CCDC57: variants seen among roughly 807,000 people sequenced by gnomAD.
CCDC57 encodes the protein coiled-coil domain-containing protein 57.
A neutral mutation model predicts 118.9 loss-of-function variants in CCDC57; 118 were observed. That is an observed-to-expected ratio of 0.99 (90% CI 0.86 to 1.16). The LOEUF (loss-of-function observed/expected upper bound fraction) is 1.16, where lower values mean the gene tolerates loss of function less well. Ranked by LOEUF, CCDC57 falls within the 50% of genes most tolerant of loss-of-function variation. The pLI, the probability that CCDC57 is intolerant of heterozygous loss-of-function variation, is 0.00. For missense variants in CCDC57, 1,300 were observed against 1,320.7 expected (o/e 0.98, Z 0.24); for synonymous variants, 527 against 532.9 (o/e 0.99, Z 0.15).
chr17:82,127,379 G>A, intron 19 of CCDC57: 1 of 180,138 alleles, frequency 5.6e-6, no homozygotes, highest in Non-Finnish European at 7.2e-6. Context: ...GCGCCCGGGT[G>A]TACAGTGCTC....
rs762510656 is a variant in CCDC57, at chr17:82,201,924, C to T, written c.21G>A (p.Glu7=). 18 of 1,598,040 alleles carry T rather than the reference C, an allele frequency of 1.1e-5. No individual in the cohort carries two copies. The East Asian group carries it at 4.0e-4, about 36-fold the overall frequency. The change falls in exon 3 of 20, where the codon GAG becomes GAA. Residue 7 remains glutamate, a synonymous_variant. Transcript: ENST00000665763. ...GAAGCAGCAGCTCATTCAGGGCGGG[C>T]TCTGAGCCCAGTGGCAGCATGGTGG...
intron 19 of CCDC57, among the ~76,000 whole-genome samples, chr17:82,121,128 G>C (rs1033943876): frequency 6.6e-6 from 1 of 152,190 alleles, no homozygotes; most frequent in Non-Finnish European, 1.5e-5. Context: ...GCTCCCGCCT[G>C]TAATCCCAGC....
At chr17:82,104,618 A>C (rs2034708857) in intron 19 of CCDC57, among the ~76,000 whole-genome samples, 1 of 152,204 alleles carries the variant, frequency 6.6e-6, no homozygotes, top group Non-Finnish European at 1.5e-5. Context: ...AGCTCACTGC[A>C]AGCTCCGCCT....
chr17:82,114,144 G>A (rs972329103), intron 19 of CCDC57, among the ~76,000 whole-genome samples: 2 of 152,190 alleles, frequency 1.3e-5, no homozygotes, highest in South Asian at 2.1e-4. Context: ...TTCCCTGCGC[G>A]TTTACAGAGG....
intron 16 of CCDC57, among the ~76,000 whole-genome samples, chr17:82,146,785 ATGTGCACAGTCTCACACACAAACGTG>A (rs1377139845): frequency 2.6e-5 from 4 of 152,208 alleles, no homozygotes; most frequent in Non-Finnish European, 5.9e-5. Context: ...ATACAAATGT[ATGTGCACAGTCTCACACACAAACGTG>A]TGTGCACACA....
At chr17:82,121,082 G>A (rs1208843985) in intron 19 of CCDC57, among the ~76,000 whole-genome samples, 1 of 152,126 alleles carries the variant, frequency 6.6e-6, no homozygotes, top group Admixed American at 6.6e-5. Context: ...TTGCAACACC[G>A]ATGCTAAGAA....
chr17:82,126,304 CAA>C, intron 19 of CCDC57: 1 of 747,094 alleles, frequency 1.3e-6, no homozygotes, highest in African/African-American at 2.0e-5. Context: ...AAAAAACAGA[CAA>C]GATAAAAAAC....
chr17:82,104,340 C>T (rs978297608), intron 19 of CCDC57, among the ~76,000 whole-genome samples: 1 of 152,210 alleles, frequency 6.6e-6, no homozygotes, highest in Non-Finnish European at 1.5e-5. Flanking sequence ...GCTGCTTGTG[C>T]TCTGGCCCCG....
chr17:82,101,953 A>G, intron 19 of CCDC57, 87 bp from the exon 19 acceptor site: 1 of 1,301,698 alleles, frequency 7.7e-7, no homozygotes, highest in Non-Finnish European at 1.0e-6. Flanking sequence ...CAGGTGCAGC[A>G]CTTCCGTGTT....
At chr17:82,145,865 T>C in intron 16 of CCDC57, 1 of 454,854 alleles carries the variant, frequency 2.2e-6, no homozygotes, top group East Asian at 7.9e-5. Flanking sequence ...TGGAGTTGGC[T>C]CCACAGTCTG....
At chr17:82,203,959 A>T (rs1191349069) in intron 2 of CCDC57, among the ~76,000 whole-genome samples, 5 of 152,162 alleles carry the variant, frequency 3.3e-5, no homozygotes. Context: ...GTACAAGGGC[A>T]CAGCCAGGCT....
intron 13 of CCDC57, among the ~76,000 whole-genome samples, chr17:82,167,237 C>G (rs140897808): frequency 2.0e-5 from 3 of 151,842 alleles, no homozygotes; most frequent in Non-Finnish European, 4.4e-5. Context: ...TGAATGAAAA[C>G]TTCTGAAATT....
intron 16 of CCDC57, among the ~76,000 whole-genome samples, chr17:82,146,808 C>T (rs552694359): frequency 1.3e-4 from 20 of 152,116 alleles, no homozygotes; most frequent in Non-Finnish European, 1.9e-4. Context: ...CACACACAAA[C>T]GTGTGTGCAC....
At chr17:82,196,106 C>G (rs2146789599) in intron 4 of CCDC57, among the ~76,000 whole-genome samples, 1 of 152,316 alleles carries the variant, frequency 6.6e-6, no homozygotes, top group East Asian at 1.9e-4. Flanking sequence ...TGGCTGCGCC[C>G]TGCCAACTAC....
exon 20 of CCDC57, chr17:82,101,793 C>T: frequency 6.2e-7 from 1 of 1,607,586 alleles, no homozygotes; most frequent in Non-Finnish European, 8.5e-7. Flanking sequence ...GGGCTGCTGT[C>T]TTCATCCCTG....
At chr17:82,184,016 T>TGG in intron 8 of CCDC57, 84 bp from the exon 8 acceptor site, 1 of 304,612 alleles carries the variant, frequency 3.3e-6, no homozygotes, top group Non-Finnish European at 6.1e-6. Flanking sequence ...CAAATACACA[T>TGG]GCGCGCGCGC....
rs957744186 is a variant in CCDC57, at chr17:82,212,616, C to T, written c.-211+169G>A. On this transcript the variant is annotated intron_variant, in intron 1 of 19. Coordinates refer to ENST00000665763, the Ensembl canonical transcript of CCDC57. This position sits in a 1 kb window ranked among gnomAD's most constrained non-coding sequence, Gnocchi z 4.1. ...CCCGCCGCAGCCTCCGCGAGGGGATCCCCGGTCCGGGCCTGGCCGAGCTCT... is the reference window on the plus strand; with the variant it reads ...CCCGCCGCAGCCTCCGCGAGGGGATTCCCGGTCCGGGCCTGGCCGAGCTCT... Among the ~76,000 whole-genome samples, 10 of 151,810 alleles carry T rather than the reference C, an allele frequency of 6.6e-5. No homozygotes were observed. Among genetic ancestry groups the T allele is most frequent in the African/African-American group, 1.9e-4 (8 of 41,320 alleles).
At chr17:82,200,181 T>A (rs373471513) in intron 3 of CCDC57, among the ~76,000 whole-genome samples, 25 of 152,150 alleles carry the variant, frequency 1.6e-4, no homozygotes, top group African/African-American at 6.0e-4. Flanking sequence ...TGTTGGCCCG[T>A]TCACACCCAT....
chr17:82,209,303 T>C (rs2050009398), intron 1 of CCDC57, among the ~76,000 whole-genome samples: 1 of 152,188 alleles, frequency 6.6e-6, no homozygotes, highest in African/African-American at 2.4e-5. Context: ...GTCGAAGTCT[T>C]GTAGTTGAGT....
Sources: gnomAD v4.1 joint callset for allele counts (sites outside exome capture counted in the v4.1 genomes callset) on GRCh38, gnomAD v4.1.1 for gene constraint, Gnocchi (gnomAD v3.1) non-coding constraint, MANE v1.5 for transcripts, NCBI Gene and HGNC (gene_info 2026-07-23, HGNC 2026-07-21) for gene names.